BTLA: variants seen among roughly 807,000 people sequenced by gnomAD.
BTLA encodes the protein B and T lymphocyte associated, also known as B- and T-lymphocyte attenuator.
BTLA carries 11 observed loss-of-function variants against 25.0 expected under a neutral mutation model. The ratio of observed to expected loss-of-function variants is 0.44; its 90% CI spans 0.28 to 0.73. The LOEUF (loss-of-function observed/expected upper bound fraction) is 0.73, where lower values mean the gene tolerates loss of function less well. Among genes scored for constraint, BTLA ranks in the 30% least tolerant of loss-of-function variants. The probability of loss-of-function intolerance (pLI) is 0.15; values close to 1 mark genes in which losing one functional copy is unlikely to be tolerated. For missense variants in BTLA, 282 were observed against 332.8 expected (o/e 0.85, Z 1.19); for synonymous variants, 104 against 119.8 (o/e 0.87, Z 0.86).
chr3:112,478,794 T>TC (rs918303106), intron 2 of BTLA, among the ~76,000 whole-genome samples: 3 of 151,934 alleles, frequency 2.0e-5, no homozygotes, highest in Non-Finnish European at 2.9e-5. Flanking sequence ...TCTTACCTAC[T>TC]CCCCCCCTAT....
At chr3:112,481,875 C>A (rs2082319927) in intron 1 of BTLA, among the ~76,000 whole-genome samples, 1 of 152,176 alleles carries the variant, frequency 6.6e-6, no homozygotes, top group African/African-American at 2.4e-5. Flanking sequence ...TTAAAAGTAG[C>A]CACACAGCAG....
chr3:112,495,977 T>G (rs1029618992), intron 1 of BTLA, among the ~76,000 whole-genome samples: 1 of 152,236 alleles, frequency 6.6e-6, no homozygotes, highest in Non-Finnish European at 1.5e-5. Context: ...TACAGGTGTC[T>G]TTCCCTTACT....
chr3:112,483,967 C>CAA (rs34500950), intron 1 of BTLA, among the ~76,000 whole-genome samples: 5 of 128,852 alleles, frequency 3.9e-5, no homozygotes, highest in Admixed American at 1.6e-4. Context: ...GACTCTGTCT[C>CAA]AAAAAAAAAA....
Position 112,479,517 on chromosome 3 carries a change from C to T in BTLA, c.341G>A (p.Arg114His), listed in dbSNP as rs1281144243. ...ATTAGACTGAAAATTTGCAGAACAG[C>T]GGTATGACCCATTGTCATTAGGAAG... Reference protein sequence around the residue: ...PVLPNDNGSYRCSANFQSNLI... With the variant: ...PVLPNDNGSYHCSANFQSNLI... The change falls in exon 2 of 5, where the codon CGC (arginine) becomes CAC (histidine). Residue 114 changes from arginine to histidine, a missense_variant. This residue lies in a region of BTLA where 163 missense variants were observed against 230.4 expected (regional missense o/e 0.71). Transcript: ENST00000334529. 5.6e-6 allele frequency: 9 copies of T among 1,614,002 alleles called. No individual in the cohort carries two copies. The highest frequency in any genetic ancestry group is 7.6e-6 in the Non-Finnish European group (9 of 1,179,936).
intron 1 of BTLA, among the ~76,000 whole-genome samples, chr3:112,492,620 C>T (rs115916660): frequency 0.029 from 4,344 of 152,316 alleles, 77 homozygotes; most frequent in Middle Eastern, 0.044. Flanking sequence ...CATTCTACCA[C>T]AGACATCACA....
intron 1 of BTLA, among the ~76,000 whole-genome samples, chr3:112,486,743 A>T (rs993232835): frequency 2.6e-5 from 4 of 152,228 alleles, no homozygotes; most frequent in African/African-American, 9.6e-5. Flanking sequence ...ATATTAATCA[A>T]TCTAACATTT....
intron 1 of BTLA, among the ~76,000 whole-genome samples, chr3:112,494,493 C>T (rs554522889): frequency 2.8e-4 from 43 of 152,204 alleles, no homozygotes; most frequent in African/African-American, 7.7e-4. Context: ...AGCAAAGACA[C>T]GGAACCAACC....
rs1467351762 is a variant in BTLA, at chr3:112,479,625, G to A, written c.233C>T (p.Thr78Ile). The A allele has an allele frequency of 1.9e-6, 3 of 1,613,982 alleles. No individual in the cohort carries two copies. The highest frequency in any genetic ancestry group is 2.5e-6 in the Non-Finnish European group (3 of 1,180,008). The change falls in exon 2 of 5, where the codon ACA becomes ATA. Residue 78 changes from threonine (T) to isoleucine (I), a missense_variant. Physicochemically the swap from Thr to Ile is moderately conservative, Grantham distance 89. Transcript: ENST00000334529. Reference protein sequence around the residue: ...HVTWCKLNGTTCVKLEDRQTS... With the variant: ...HVTWCKLNGTICVKLEDRQTS... The stretch of plus-strand genomic sequence containing the variant: ...TTGTCTATCTTCAAGTTTTACACAT[G>A]TTGTTCCATTGAGCTTGCACCAAGT...
At chr3:112,496,990 A>G (rs540174453) in intron 1 of BTLA, among the ~76,000 whole-genome samples, 1 of 152,286 alleles carries the variant, frequency 6.6e-6, no homozygotes, top group Admixed American at 6.5e-5. Context: ...GGCTTCCCAA[A>G]GTGCTGAGAC....
intron 1 of BTLA, among the ~76,000 whole-genome samples, chr3:112,485,182 T>C (rs1181848959): frequency 6.6e-6 from 1 of 151,122 alleles, no homozygotes; most frequent in African/African-American, 2.4e-5. Context: ...GTGGCTGGGA[T>C]TACAGGCACC....
At chr3:112,487,526 G>C (rs976256039) in intron 1 of BTLA, among the ~76,000 whole-genome samples, 4 of 151,902 alleles carry the variant, frequency 2.6e-5, no homozygotes, top group African/African-American at 7.3e-5. Flanking sequence ...CGGAGGTTGC[G>C]GTGAGCTGAG....
chr3:112,485,978 G>A (rs545075352), intron 1 of BTLA, among the ~76,000 whole-genome samples: 1 of 152,280 alleles, frequency 6.6e-6, no homozygotes, highest in South Asian at 2.1e-4. Context: ...TTAGCCGGGC[G>A]TGGTGGCGGG....
At chr3:112,482,041 G>C (rs1450663715) in intron 1 of BTLA, among the ~76,000 whole-genome samples, 1 of 152,074 alleles carries the variant, frequency 6.6e-6, no homozygotes, top group Non-Finnish European at 1.5e-5. Context: ...GTTTCCAATG[G>C]CTTGTTTCTC....
At chr3:112,468,688 C>T (rs941657528) in intron 4 of BTLA, among the ~76,000 whole-genome samples, 2 of 151,988 alleles carry the variant, frequency 1.3e-5, no homozygotes, top group Non-Finnish European at 2.9e-5. Context: ...AGCTCCCTGG[C>T]CTTATTGTAA....
At chr3:112,469,627 A>ATATAGTACATAGAATATGTATATAC (rs1553730234) in intron 4 of BTLA, 131 bp downstream of exon 4, 7 of 34,080 alleles carry the variant, frequency 2.1e-4, no homozygotes, top group East Asian at 9.6e-4. Context: ...ATATATATAT[A>ATATAGTACATAGAATATGTATATAC]TATATATATA....
intron 4 of BTLA, 108 bp downstream of exon 4, chr3:112,469,632 TATATATATATATATATAG>T: frequency 2.3e-5 from 1 of 44,078 alleles, no homozygotes. Context: ...TATATATATA[TATATATATATATATATAG>T]TACATAGAAT....
intron 1 of BTLA, among the ~76,000 whole-genome samples, chr3:112,489,051 C>CT (rs1183298129): frequency 6.6e-6 from 1 of 152,116 alleles, no homozygotes; most frequent in Non-Finnish European, 1.5e-5. Flanking sequence ...GAGAGGTGGG[C>CT]TAAAAGGCAC....
chr3:112,497,285 T>G (rs1022502727), intron 1 of BTLA, among the ~76,000 whole-genome samples: 1 of 152,154 alleles, frequency 6.6e-6, no homozygotes, highest in African/African-American at 2.4e-5. Context: ...GCATCTACAG[T>G]CTTCACAGCA....
intron 2 of BTLA, among the ~76,000 whole-genome samples, chr3:112,473,870 C>A (rs2082276153): frequency 6.6e-6 from 1 of 152,048 alleles, no homozygotes; most frequent in Non-Finnish European, 1.5e-5. Context: ...TTCGTCTTGG[C>A]CTCCCAAAGT....
Sources: gnomAD v4.1 joint callset for allele counts (sites outside exome capture counted in the v4.1 genomes callset) on GRCh38, gnomAD v4.1.1 for gene constraint, gnomAD v4.1.1 regional missense constraint, MANE v1.5 for transcripts, NCBI Gene and HGNC (gene_info 2026-07-23, HGNC 2026-07-21) for gene names.